The following GPR39 variants were observed in gnomAD, a reference collection of about 807,000 sequenced individuals.
GPR39 encodes the protein zinc sensing receptor.
In GPR39, 23 loss-of-function variants were observed where a neutral mutation model predicts 18.4. The ratio of observed to expected loss-of-function variants is 1.25; its 90% CI spans 0.90 to 1.77. GPR39 has a LOEUF of 1.77. Ranked by LOEUF, GPR39 falls within the 40% of genes most tolerant of loss-of-function variation. The probability of loss-of-function intolerance (pLI) is 0.00; values close to 1 mark genes in which losing one functional copy is unlikely to be tolerated. For missense variants in GPR39, 647 were observed against 602.4 expected, an observed-to-expected ratio of 1.07 and a Z score of -0.78; for synonymous variants, 280 against 257.9, an observed-to-expected ratio of 1.09 and a Z score of -0.82.
rs1679931293 is a variant in GPR39 at position 132,417,611 on chromosome 2, C to T, written c.569C>T (p.Thr190Ile). The change falls in exon 1 of 2, where the codon ACT becomes ATT. Residue 190 changes from threonine (T) to isoleucine (I), a missense_variant. Coordinates refer to ENST00000329321, the MANE Select transcript of GPR39 (RefSeq NM_001508.3). ...LVNVPSHRGLTCNRSSTRHHE... is the reference protein window; with the variant it reads ...LVNVPSHRGLICNRSSTRHHE... ...AACGTGCCCAGCCACCGGGGTCTCA[C>T]TTGCAACCGCTCCAGCACCCGCCAC... The T allele has an allele frequency of 6.2e-7, 1 of 1,614,154 alleles. No individual in the cohort carries two copies. The highest frequency in any genetic ancestry group is 1.1e-5 in the South Asian group (1 of 91,082).
chr2:132,517,323 G>T (rs1447767654), intron 1 of GPR39, among the ~76,000 whole-genome samples: 1 of 152,072 alleles, frequency 6.6e-6, no homozygotes, highest in East Asian at 1.9e-4. Context: ...AAGGAAAGGA[G>T]GAAGAAACAG....
At chr2:132,573,970 C>T (rs1041965079) in intron 1 of GPR39, among the ~76,000 whole-genome samples, 2 of 152,214 alleles carry the variant, frequency 1.3e-5, no homozygotes, top group African/African-American at 4.8e-5. Context: ...GAAATTAAAG[C>T]TAGAGCACTA....
intron 1 of GPR39, among the ~76,000 whole-genome samples, chr2:132,474,342 G>A (rs1366562439): frequency 6.6e-6 from 1 of 152,144 alleles, no homozygotes; most frequent in African/African-American, 2.4e-5. Flanking sequence ...AATAACCAGT[G>A]CCAGGACTTA....
chr2:132,548,252 C>T (rs992295696), intron 1 of GPR39, among the ~76,000 whole-genome samples: 3 of 152,160 alleles, frequency 2.0e-5, no homozygotes, highest in Admixed American at 6.5e-5. Context: ...TGCAATTTTT[C>T]ACAGCATTGT....
chr2:132,552,880 A>G (rs1680071900), intron 1 of GPR39, among the ~76,000 whole-genome samples: 1 of 101,828 alleles, frequency 9.8e-6, no homozygotes, highest in Non-Finnish European at 1.9e-5. Flanking sequence ...ATACACATAT[A>G]TATATACACA....
At chr2:132,623,047 G>A (rs1573703980) in intron 1 of GPR39, among the ~76,000 whole-genome samples, 1 of 152,188 alleles carries the variant, frequency 6.6e-6, no homozygotes, top group African/African-American at 2.4e-5. Flanking sequence ...GGGAGGCAGA[G>A]GTTGCAGTGA....
intron 1 of GPR39, among the ~76,000 whole-genome samples, chr2:132,490,291 A>G (rs1243040611): frequency 6.6e-6 from 1 of 151,968 alleles, no homozygotes; most frequent in Non-Finnish European, 1.5e-5. Context: ...ATGGAAAGGG[A>G]TATTATGAGG....
At chr2:132,629,898 A>C (rs2104868316) in intron 1 of GPR39, among the ~76,000 whole-genome samples, 1 of 152,278 alleles carries the variant, frequency 6.6e-6, no homozygotes, top group African/African-American at 2.4e-5. Context: ...CTTGATTGGA[A>C]GTTCCCAGTT....
intron 1 of GPR39, among the ~76,000 whole-genome samples, chr2:132,532,746 A>G (rs910449591): frequency 1.3e-5 from 2 of 152,240 alleles, no homozygotes; most frequent in Non-Finnish European, 1.5e-5. Flanking sequence ...GACAAAAAAC[A>G]CTTGATTATC....
chr2:132,543,985 T>C (rs1679901509), intron 1 of GPR39, among the ~76,000 whole-genome samples: 1 of 152,186 alleles, frequency 6.6e-6, no homozygotes, highest in Non-Finnish European at 1.5e-5. Flanking sequence ...TTTTGGCCCA[T>C]GGCATGACTT....
At chr2:132,607,634 A>G (rs1461724770) in intron 1 of GPR39, among the ~76,000 whole-genome samples, 1 of 152,164 alleles carries the variant, frequency 6.6e-6, no homozygotes, top group Non-Finnish European at 1.5e-5. Flanking sequence ...CTCTCATCCA[A>G]AGGAGATAAC....
At chr2:132,638,092 T>G in intron 1 of GPR39, among the ~76,000 whole-genome samples, 1 of 147,168 alleles carries the variant, frequency 6.8e-6, no homozygotes, top group Non-Finnish European at 1.5e-5. Flanking sequence ...AAAGGAAAGG[T>G]GGGGAAAAAT....
At chr2:132,423,120 C>T (rs1680046535) in intron 1 of GPR39, among the ~76,000 whole-genome samples, 1 of 151,938 alleles carries the variant, frequency 6.6e-6, no homozygotes, top group African/African-American at 2.4e-5. Flanking sequence ...TCCCTTTTCC[C>T]TCTGCACATG....
At chr2:132,544,126 C>T (rs1558833940) in intron 1 of GPR39, among the ~76,000 whole-genome samples, 2 of 152,174 alleles carry the variant, frequency 1.3e-5, no homozygotes, top group Non-Finnish European at 2.9e-5. Context: ...CTAAAAACAA[C>T]TCACAACTTG....
At chr2:132,473,867 G>A (rs1048060049) in intron 1 of GPR39, among the ~76,000 whole-genome samples, 4 of 152,170 alleles carry the variant, frequency 2.6e-5, no homozygotes, top group African/African-American at 9.6e-5. Context: ...AGAAAAGAGG[G>A]GTAGTTTCAG....
At chr2:132,636,818 G>A (rs372944698) in intron 1 of GPR39, among the ~76,000 whole-genome samples, 2 of 152,268 alleles carry the variant, frequency 1.3e-5, no homozygotes, top group East Asian at 1.9e-4. Context: ...GGTATGCATC[G>A]ACTTGCTGTT....
At chr2:132,608,144 A>G (rs1214572545) in intron 1 of GPR39, among the ~76,000 whole-genome samples, 2 of 152,252 alleles carry the variant, frequency 1.3e-5, no homozygotes, top group East Asian at 3.8e-4. Flanking sequence ...TTTGCTGACA[A>G]TGATGCATTT....
At chr2:132,554,998 C>T (rs1680121486) in intron 1 of GPR39, among the ~76,000 whole-genome samples, 1 of 151,604 alleles carries the variant, frequency 6.6e-6, no homozygotes, top group Non-Finnish European at 1.5e-5. Context: ...GTCACCCAGG[C>T]TGGAGTGCAG....
intron 1 of GPR39, among the ~76,000 whole-genome samples, chr2:132,569,652 T>C (rs35951706): frequency 0.3 from 45,578 of 151,080 alleles, 8,074 homozygotes; most frequent in East Asian, 0.84. Context: ...GTCCCATCGT[T>C]CCCTAGAGCT....
Sources: allele counts gnomAD v4.1 joint callset (sites outside exome capture counted in the v4.1 genomes callset), GRCh38; gene constraint gnomAD v4.1.1; transcripts MANE v1.5; gene names NCBI Gene and HGNC (gene_info 2026-07-23, HGNC 2026-07-21).